LRRC27: variants seen among roughly 807,000 people sequenced by gnomAD.
LRRC27 encodes the protein leucine-rich repeat-containing protein 27.
In LRRC27, 57 loss-of-function variants were observed where a neutral mutation model predicts 55.0. That is an observed-to-expected ratio of 1.04 (90% CI 0.84 to 1.29). The LOEUF is 1.29. Among genes scored for constraint, LRRC27 ranks in the 50% most tolerant of loss-of-function variants. The pLI, the probability that LRRC27 is intolerant of heterozygous loss-of-function variation, is 0.00. For synonymous variants in LRRC27, 278 were observed against 251.9 expected, an observed-to-expected ratio of 1.10 and a Z score of -0.98; for missense variants, 721 against 651.5, an observed-to-expected ratio of 1.11 and a Z score of -1.16.
rs567619646 is a variant in LRRC27 at position 132,377,187 on chromosome 10, A to T, written c.*1945A>T. 1 of 151,480 alleles carries T rather than the reference A, an allele frequency of 6.6e-6. No homozygotes were observed. The highest frequency in any genetic ancestry group is 2.4e-5 in the African/African-American group (1 of 41,206). The allele number at this position is 151,480 out of a possible 1,614,324, so 9.4% of individuals were successfully genotyped here. A position where few individuals can be genotyped will look rare whatever the true frequency, so the allele number is the denominator to read the frequency against. On this transcript the variant is annotated 3_prime_UTR_variant, in exon 11 of 11. Transcript: ENST00000368614. ...CTTATAGAGACATCATATACTCGGG[A>T]CTCCTTTTCTTTCTCTAGCTGCCAG...
intron 10 of LRRC27, among the ~76,000 whole-genome samples, chr10:132,373,105 C>G (rs1312575764): frequency 6.6e-6 from 1 of 152,192 alleles, no homozygotes; most frequent in Non-Finnish European, 1.5e-5. Flanking sequence ...ACCCAGCAAG[C>G]TGTTGTAGAA....
At chr10:132,354,006 T>C (rs2068190020) in intron 7 of LRRC27, among the ~76,000 whole-genome samples, 1 of 152,200 alleles carries the variant, frequency 6.6e-6, no homozygotes, top group Non-Finnish European at 1.5e-5. Flanking sequence ...TCCTCAGGTA[T>C]CACCTGCCCT....
chr10:132,340,625 T>C (rs2067367576), intron 3 of LRRC27, among the ~76,000 whole-genome samples: 2 of 152,316 alleles, frequency 1.3e-5, no homozygotes, highest in East Asian at 3.9e-4. Context: ...TAATCCACTT[T>C]TGTGCAGTTC....
Position 132,372,482 on chromosome 10 carries a change from C to T in LRRC27, c.1417-2584C>T, listed in dbSNP as rs140536183. Among the ~76,000 whole-genome samples the T allele has an allele frequency of 1.3e-4, 20 of 152,336 alleles. No homozygotes were observed. The highest frequency in any genetic ancestry group is 4.6e-4 in the African/African-American group (19 of 41,574). On this transcript the variant is annotated intron_variant, in intron 10 of 10. Transcript: ENST00000368614. The surrounding 1 kb of genome is among the most constrained non-coding windows in gnomAD (Gnocchi z 4.0). Reference sequence around the variant, plus strand: ...ACGCAGGAGACAAAGGCCGGAGAATCGCTTGAACCCAGGAGGCAGAGGTTG... The same window carrying T: ...ACGCAGGAGACAAAGGCCGGAGAATTGCTTGAACCCAGGAGGCAGAGGTTG...
intron 3 of LRRC27, among the ~76,000 whole-genome samples, chr10:132,338,889 T>C (rs2067257359): frequency 6.6e-6 from 1 of 152,114 alleles, no homozygotes; most frequent in South Asian, 2.1e-4. Context: ...TTTGCATTTT[T>C]AGTAGAAACG....
intron 5 of LRRC27, among the ~76,000 whole-genome samples, chr10:132,347,455 G>C (rs1288661763): frequency 6.6e-6 from 1 of 151,662 alleles, no homozygotes; most frequent in African/African-American, 2.4e-5. Context: ...AGTGGGGCTT[G>C]TGTGGGAAGG....
At chr10:132,339,172 G>T (rs1281353332) in intron 3 of LRRC27, among the ~76,000 whole-genome samples, 2 of 152,214 alleles carry the variant, frequency 1.3e-5, no homozygotes, top group African/African-American at 4.8e-5. Flanking sequence ...GCCACAAGAA[G>T]AAGAGGGGTA....
At chr10:132,344,051 T>G (rs892173084) in intron 4 of LRRC27, among the ~76,000 whole-genome samples, 1 of 152,274 alleles carries the variant, frequency 6.6e-6, no homozygotes, top group African/African-American at 2.4e-5. Context: ...CTTGAACATA[T>G]TTAAATGGTT....
intron 2 of LRRC27, chr10:132,336,667 C>T (rs1668640819): frequency 1.5e-6 from 1 of 677,242 alleles, no homozygotes; most frequent in Admixed American, 2.5e-5. Context: ...GATGAGGACA[C>T]TGGAGCACAG....
chr10:132,354,989 C>T (rs920272118), intron 7 of LRRC27, among the ~76,000 whole-genome samples: 20 of 152,218 alleles, frequency 1.3e-4, no homozygotes, highest in African/African-American at 4.3e-4. Flanking sequence ...TTACTCGGGA[C>T]GTTCGCAGCC....
rs527317188 is a variant in LRRC27, at chr10:132,354,283, C to A, written c.1074-1507C>A. Among the ~76,000 whole-genome samples, 7 of 152,354 alleles carry A rather than the reference C, an allele frequency of 4.6e-5. No homozygotes were observed. The South Asian group carries it at 1.2e-3, about 27-fold the overall frequency. ...CCTGGAGCCCAGAGCCAGTGTCCTGCAGTCTCCTAGTGAGCAGCTCGGCAG... is the reference window on the plus strand; with the variant it reads ...CCTGGAGCCCAGAGCCAGTGTCCTGAAGTCTCCTAGTGAGCAGCTCGGCAG... On this transcript the variant is annotated intron_variant, in intron 7 of 10. Transcript: ENST00000368614.
At chr10:132,362,668 ACAC>A in intron 9 of LRRC27, among the ~76,000 whole-genome samples, 1 of 122,808 alleles carries the variant, frequency 8.1e-6, no homozygotes, top group Admixed American at 8.1e-5. Flanking sequence ...TTCTCACCTC[ACAC>A]CAGCTCGGGG....
intron 3 of LRRC27, among the ~76,000 whole-genome samples, chr10:132,340,209 G>A (rs1253706170): frequency 6.6e-6 from 1 of 151,954 alleles, no homozygotes; most frequent in African/African-American, 2.4e-5. Flanking sequence ...CGAATCAACG[G>A]GTAAGCTTTG....
chr10:132,337,564 G>A lies in LRRC27; in HGVS notation c.211-1G>A. ...TTCTCTGATTCTCTTTTCCATGGAAGCAATTGCATCTGCAAAGGAATGCCC... is the reference window on the plus strand; with the variant it reads ...TTCTCTGATTCTCTTTTCCATGGAAACAATTGCATCTGCAAAGGAATGCCC... On this transcript the variant is annotated splice_acceptor_variant, in intron 2 of 10. Coordinates refer to ENST00000368614, the MANE Select transcript of LRRC27 (RefSeq NM_030626.3). LOFTEE classifies it high-confidence loss of function. The A allele has an allele frequency of 6.2e-7, 1 of 1,611,672 alleles. No individual in the cohort carries two copies. The highest frequency in any genetic ancestry group is 8.5e-7 in the Non-Finnish European group (1 of 1,179,136).
intron 8 of LRRC27, among the ~76,000 whole-genome samples, chr10:132,360,588 CTT>C (rs2068567802): frequency 6.6e-6 from 1 of 152,130 alleles, no homozygotes; most frequent in Admixed American, 6.5e-5. Flanking sequence ...TGCCTCCCAT[CTT>C]TCCGCCCTTT....
chr10:132,337,362 G>A (rs1217570326), intron 2 of LRRC27: 21 of 1,359,848 alleles, frequency 1.5e-5, no homozygotes, highest in South Asian at 9.2e-5. Flanking sequence ...AAAGGCCGCC[G>A]GAAGGAGTCC....
At chr10:132,366,114 G>A (rs1161324495) in intron 10 of LRRC27, among the ~76,000 whole-genome samples, 2 of 152,262 alleles carry the variant, frequency 1.3e-5, no homozygotes, top group East Asian at 3.9e-4. Flanking sequence ...GATGGCAGGA[G>A]TGGCAGCCTG....
intron 10 of LRRC27, among the ~76,000 whole-genome samples, chr10:132,369,608 A>G (rs76590434): frequency 0.15 from 23,051 of 152,132 alleles, 2,091 homozygotes; most frequent in Middle Eastern, 0.23. Context: ...ACTACTCTTC[A>G]TGATGCTGTA....
intron 7 of LRRC27, among the ~76,000 whole-genome samples, 170 bp from the exon 8 acceptor site, chr10:132,355,620 T>C (rs2068272246): frequency 6.6e-6 from 1 of 152,138 alleles, no homozygotes; most frequent in African/African-American, 2.4e-5. Context: ...TGCCCAGATG[T>C]GCCGGGAGGA....
Sources: gnomAD v4.1 joint callset for allele counts (sites outside exome capture counted in the v4.1 genomes callset) on GRCh38, gnomAD v4.1.1 for gene constraint, Gnocchi (gnomAD v3.1) non-coding constraint, MANE v1.5 for transcripts, NCBI Gene and HGNC (gene_info 2026-07-23, HGNC 2026-07-21) for gene names.